The following NETO2 variants were observed in gnomAD, a reference collection of about 807,000 sequenced individuals.
The protein encoded by NETO2 is neuropilin and tolloid-like protein 2.
A neutral mutation model predicts 62.5 loss-of-function variants in NETO2; 28 were observed. The observed-to-expected ratio is 0.45, with a 90% confidence interval of 0.33 to 0.61. The LOEUF (loss-of-function observed/expected upper bound fraction) is 0.61. Ranked by LOEUF, NETO2 falls within the 20% of genes least tolerant of loss-of-function variation. The pLI is 0.02. For synonymous variants in NETO2, 214 were observed against 219.1 expected (o/e 0.98, Z 0.21); for missense variants, 548 against 643.2 (o/e 0.85, Z 1.60).
intron 1 of NETO2, among the ~76,000 whole-genome samples, chr16:47,138,431 A>G (rs1417678722): frequency 1.3e-5 from 2 of 152,134 alleles, no homozygotes; most frequent in African/African-American, 4.8e-5. Flanking sequence ...CTTGCCCATA[A>G]TCTACAATGA....
chr16:47,131,880 T>C (rs1964272547), intron 2 of NETO2, 89 bp downstream of exon 2: 6 of 1,081,152 alleles, frequency 5.5e-6, no homozygotes, highest in Middle Eastern at 2.0e-4. Context: ...AAAGGGATTA[T>C]GAAAATAGTA....
intron 7 of NETO2, among the ~76,000 whole-genome samples, chr16:47,101,653 G>A (rs1178395839): frequency 6.6e-6 from 1 of 152,134 alleles, no homozygotes; most frequent in Admixed American, 6.5e-5. Flanking sequence ...TAGACAGAGA[G>A]CCAAATCATG....
rs1342362080 is a variant in NETO2 at position 47,083,555 on chromosome 16, A to G, written c.1244T>C (p.Leu415Ser). 6.8e-6 allele frequency: 11 copies of G among 1,614,214 alleles called. No individual in the cohort carries two copies. The highest frequency in any genetic ancestry group is 9.3e-6 in the Non-Finnish European group (11 of 1,180,050). The change falls in exon 9 of 9, where the codon TTG (leucine) becomes TCG (serine). Residue 415 changes from leucine to serine, a missense_variant. By Grantham distance (145) the Leu-to-Ser change is moderately radical. Coordinates refer to ENST00000562435, the MANE Select transcript of NETO2 (RefSeq NM_018092.5). ...DKEISADLAD[L>S]SEELDNYQKM... ...CTGGTAGTTGTCCAATTCTTCCGAC[A>G]AGTCTGCCAGGTCTGCAGAAATCTC...
intron 7 of NETO2, among the ~76,000 whole-genome samples, chr16:47,107,595 G>A (rs1188961938): frequency 6.6e-6 from 1 of 152,112 alleles, no homozygotes; most frequent in Non-Finnish European, 1.5e-5. Flanking sequence ...AATGCGGCTG[G>A]TCCAGCGTTG....
chr16:47,093,536 G>C (rs1335393205), intron 7 of NETO2, among the ~76,000 whole-genome samples: 2 of 152,158 alleles, frequency 1.3e-5, no homozygotes, highest in Non-Finnish European at 2.9e-5. Context: ...ACTGTTCCAT[G>C]CATGTTTGTA....
At chr16:47,127,177 G>C (rs373608938) in intron 4 of NETO2, among the ~76,000 whole-genome samples, 3 of 152,180 alleles carry the variant, frequency 2.0e-5, no homozygotes, top group Non-Finnish European at 4.4e-5. Flanking sequence ...AGATCATGCA[G>C]TTGTCTTACT....
At chr16:47,090,172 C>T (rs1009498774) in intron 7 of NETO2, among the ~76,000 whole-genome samples, 9 of 152,226 alleles carry the variant, frequency 5.9e-5, no homozygotes, top group African/African-American at 9.6e-5. Flanking sequence ...TTTACCACTC[C>T]GTGTTCATCA....
rs1396551722 is a variant in NETO2, at chr16:47,080,715, A to C, written c.*2506T>G. 6.6e-6 allele frequency: 1 copy of C among 152,186 alleles called. No homozygotes were observed. The highest frequency in any genetic ancestry group is 1.5e-5 in the Non-Finnish European group (1 of 68,020). 9.4% of individuals were successfully genotyped at this position (152,186 alleles called of 1,614,324 possible). On this transcript the variant is annotated 3_prime_UTR_variant, in exon 9 of 9. Coordinates refer to ENST00000562435, the MANE Select transcript of NETO2 (RefSeq NM_018092.5). Reference sequence around the variant, plus strand: ...CTGGTTCTTTAGTTCTATCCCTGAAAATACAGACTGACCCTAAACCAATGT... The same window carrying C: ...CTGGTTCTTTAGTTCTATCCCTGAACATACAGACTGACCCTAAACCAATGT...
chr16:47,094,122 T>C (rs1963375544), intron 7 of NETO2, among the ~76,000 whole-genome samples: 1 of 152,164 alleles, frequency 6.6e-6, no homozygotes, highest in Non-Finnish European at 1.5e-5. Context: ...AAATGTAGAT[T>C]AAAGTTAAGG....
chr16:47,128,867 A>G (rs1964209662), intron 3 of NETO2, among the ~76,000 whole-genome samples: 1 of 152,244 alleles, frequency 6.6e-6, no homozygotes, highest in Non-Finnish European at 1.5e-5. Flanking sequence ...ACAACGTACC[A>G]CAATACACAG....
At chr16:47,089,773 T>C (rs1963274721) in intron 7 of NETO2, among the ~76,000 whole-genome samples, 1 of 152,184 alleles carries the variant, frequency 6.6e-6, no homozygotes, top group South Asian at 2.1e-4. Flanking sequence ...GTCATAGATA[T>C]CATAAAACTG....
Position 47,083,681 on chromosome 16 carries a change from G to A in NETO2, c.1118C>T (p.Pro373Leu). 6.2e-7 allele frequency: 1 copy of A among 1,614,084 alleles called. No homozygotes were observed. Among genetic ancestry groups the A allele is most frequent in the Non-Finnish European group, 8.5e-7 (1 of 1,180,018 alleles). Residue 373 changes from proline to leucine, a missense_variant, in exon 9 of 9, where the codon CCT (proline) becomes CTT (leucine). Transcript: ENST00000562435. ...TTTGCAAGCCATGACCTTTTTTCGA[G>A]GCTGTTTCACTTGTACTAAAATAGA... ...IISILVQVKQ[P>L]RKKVMACKTA...
chr16:47,080,322 T>C lies in NETO2; in HGVS notation c.*2899A>G, dbSNP rs1291429268. 1.3e-5 allele frequency: 2 copies of C among 152,214 alleles called. No homozygotes were observed. Among genetic ancestry groups the C allele is most frequent in the South Asian group, 2.1e-4 (1 of 4,828 alleles). 9.4% of individuals were successfully genotyped at this position (152,214 alleles called of 1,614,324 possible). A position where few individuals can be genotyped will look rare whatever the true frequency, so the allele number is the denominator to read the frequency against. On this transcript the variant is annotated 3_prime_UTR_variant, in exon 9 of 9. Coordinates refer to ENST00000562435, the MANE Select transcript of NETO2 (RefSeq NM_018092.5). ...TAATGCTGTTTCTGAATTGAAGATA[T>C]TTATCCCTTCCAGATTTGCATTTTG...
At chr16:47,085,710 G>C (rs550270174) in intron 8 of NETO2, among the ~76,000 whole-genome samples, 6 of 152,028 alleles carry the variant, frequency 3.9e-5, no homozygotes, top group Admixed American at 3.9e-4. Context: ...CAACTTAACA[G>C]TTTGTAGACA....
chr16:47,143,754 C>A lies in NETO2; in HGVS notation c.-142G>T. The A allele has an allele frequency of 1.2e-5, 13 of 1,109,628 alleles. No individual in the cohort carries two copies. The highest frequency in any genetic ancestry group is 1.4e-5 in the Non-Finnish European group (12 of 884,476). 68.7% of individuals were successfully genotyped at this position (1,109,628 alleles called of 1,614,324 possible). Reference sequence around the variant, plus strand: ...TGCCTCCCCGCTCCCCTGAGGAGAGCTCAGGTCCTGCGGCCCGCCATGCCC... The same window carrying A: ...TGCCTCCCCGCTCCCCTGAGGAGAGATCAGGTCCTGCGGCCCGCCATGCCC... On this transcript the variant is annotated 5_prime_UTR_variant, in exon 1 of 9. Coordinates refer to ENST00000562435, the MANE Select transcript of NETO2 (RefSeq NM_018092.5).
In NETO2 at chr16:47,081,145, CTAAAGAT is replaced by C. The variant is rs923086761; in HGVS notation, c.*2069_*2075del. 3 of 152,076 alleles carry C rather than the reference CTAAAGAT, an allele frequency of 2.0e-5. No homozygotes were observed. Among genetic ancestry groups the C allele is most frequent in the Non-Finnish European group, 2.9e-5 (2 of 67,940 alleles). 9.4% of individuals were successfully genotyped at this position (152,076 alleles called of 1,614,324 possible). A position where few individuals can be genotyped will look rare whatever the true frequency, so the allele number is the denominator to read the frequency against. The stretch of plus-strand genomic sequence containing the variant: ...ATACTGTATTATTTGCTATTATAAT[CTAAAGAT>C]TAAATATAGGTTTAACAGCTATTTT... On this transcript the variant is annotated 3_prime_UTR_variant, in exon 9 of 9. Transcript: ENST00000562435.
At chr16:47,098,192 A>C (rs1456091291) in intron 7 of NETO2, among the ~76,000 whole-genome samples, 2 of 152,192 alleles carry the variant, frequency 1.3e-5, no homozygotes, top group Non-Finnish European at 2.9e-5. Flanking sequence ...GAATTGACAG[A>C]AGTAGGCTTC....
intron 7 of NETO2, among the ~76,000 whole-genome samples, chr16:47,094,238 T>C (rs1391084570): frequency 2.0e-5 from 3 of 149,312 alleles, no homozygotes; most frequent in African/African-American, 4.9e-5. Flanking sequence ...AAAAAAAAAT[T>C]AGGAAGTACT....
At chr16:47,112,172 C>T (rs1039257747) in intron 6 of NETO2, among the ~76,000 whole-genome samples, 72 of 152,192 alleles carry the variant, frequency 4.7e-4, no homozygotes, top group African/African-American at 1.6e-3. Flanking sequence ...TCCGCCTCAG[C>T]CTCCCAAAGT....
Sources: allele counts gnomAD v4.1 joint callset (sites outside exome capture counted in the v4.1 genomes callset), GRCh38; gene constraint gnomAD v4.1.1; transcripts MANE v1.5; gene names NCBI Gene and HGNC (gene_info 2026-07-23, HGNC 2026-07-21).